Variants in CD47 observed in about 807,000 individuals in gnomAD.
CD47 encodes CD47 molecule.
CD47 carries 11 observed loss-of-function variants against 44.6 expected under a neutral mutation model. That is an observed-to-expected ratio of 0.25 (90% CI 0.16 to 0.41). The LOEUF is 0.41. Ranked by LOEUF, CD47 falls within the 10% of genes least tolerant of loss-of-function variation. The pLI is 1.00. For synonymous variants in CD47, 140 were observed against 136.3 expected (o/e 1.03, Z -0.19); for missense variants, 306 against 386.7 (o/e 0.79, Z 1.75).
intron 7 of CD47, among the ~76,000 whole-genome samples, chr3:108,057,059 G>A (rs1467987025): frequency 6.6e-6 from 1 of 152,136 alleles, no homozygotes; most frequent in African/African-American, 2.4e-5. Flanking sequence ...AAACAGGTCT[G>A]TGCAGGACAG....
chr3:108,055,510 T>G, intron 7 of CD47: 1 of 1,295,958 alleles, frequency 7.7e-7, no homozygotes, highest in Non-Finnish European at 1.0e-6. Flanking sequence ...AAAGAGCAAC[T>G]TTCCTGTACC....
intron 1 of CD47, among the ~76,000 whole-genome samples, chr3:108,083,115 C>T (rs1038857286): frequency 6.6e-6 from 1 of 152,000 alleles, no homozygotes; most frequent in Admixed American, 6.6e-5. Context: ...AATAAGAAAA[C>T]TCTGAATAAA....
At chr3:108,055,630 A>G in intron 7 of CD47, 2 of 907,374 alleles carry the variant, frequency 2.2e-6, no homozygotes, top group Middle Eastern at 2.6e-4. Flanking sequence ...TTAGGACACT[A>G]TCAATAAAAT....
chr3:108,073,262 A>G (rs530386134), intron 2 of CD47, among the ~76,000 whole-genome samples: 75 of 151,606 alleles, frequency 4.9e-4, no homozygotes, highest in Non-Finnish European at 8.2e-4. Context: ...ATATATTAAT[A>G]GAATATTAAT....
Position 108,090,950 on chromosome 3 carries a change from C to CT in CD47, c.-43_-42insA. The CT allele has an allele frequency of 7.1e-7, 1 of 1,411,726 alleles. No individual in the cohort carries two copies. Among genetic ancestry groups the CT allele is most frequent in the Non-Finnish European group, 9.3e-7 (1 of 1,072,438 alleles). 87.4% of individuals were successfully genotyped at this position (1,411,726 alleles called of 1,614,324 possible). A position where few individuals can be genotyped will look rare whatever the true frequency, so the allele number is the denominator to read the frequency against. On this transcript the variant is annotated 5_prime_UTR_variant, in exon 1 of 11. Transcript: ENST00000361309. ...GGGTCGCCGCCGCCGCCGCAGGTGTCCGGAGCAGCAGCCGCCGCCGCCGTT... is the reference window on the plus strand; with the variant it reads ...GGGTCGCCGCCGCCGCCGCAGGTGTCTCGGAGCAGCAGCCGCCGCCGCCGTT...
Position 108,058,428 on chromosome 3 carries a change from C to T in CD47, c.693G>A (p.Ala231=), listed in dbSNP as rs763707352. Residue 231 remains alanine, a splice_region_variant and synonymous_variant, in exon 6 of 11, where the codon GCG becomes GCA. Transcript: ENST00000361309. ...ILLHYYVFST[A]IGLTSFVIAI... ...CAATGACGAAGGAGGTTAATCCAATCGCTGGAGGAAGGAAAAGGATGTAAC... is the reference window on the plus strand; with the variant it reads ...CAATGACGAAGGAGGTTAATCCAATTGCTGGAGGAAGGAAAAGGATGTAAC... The T allele has an allele frequency of 2.3e-5, 35 of 1,553,636 alleles. No individual in the cohort carries two copies. Among genetic ancestry groups the T allele is most frequent in the Non-Finnish European group, 2.7e-5 (31 of 1,145,560 alleles).
intron 1 of CD47, among the ~76,000 whole-genome samples, chr3:108,081,208 T>C (rs115872789): frequency 0.01 from 1,537 of 152,100 alleles, 17 homozygotes; most frequent in African/African-American, 0.035. Flanking sequence ...CTACCAGTTG[T>C]TGCCTTATAG....
intron 3 of CD47, among the ~76,000 whole-genome samples, chr3:108,067,481 C>T (rs2079124897): frequency 6.6e-6 from 1 of 152,164 alleles, no homozygotes; most frequent in Admixed American, 6.5e-5. Context: ...AACTGGAGGA[C>T]TAGGTGGACA....
chr3:108,067,753 A>C (rs2079129031), intron 3 of CD47, among the ~76,000 whole-genome samples: 1 of 152,214 alleles, frequency 6.6e-6, no homozygotes, highest in Admixed American at 6.5e-5. Context: ...TCCCTGTAAG[A>C]GGCCTTTATC....
chr3:108,055,566 C>G (rs1269700132), intron 7 of CD47: 20 of 1,302,608 alleles, frequency 1.5e-5, no homozygotes, highest in Non-Finnish European at 1.9e-5. Context: ...CCCTCTGAAC[C>G]CTGGCATCAG....
At chr3:108,071,269 T>A in intron 2 of CD47, 87 bp from the exon 3 acceptor site, 1 of 610,068 alleles carries the variant, frequency 1.6e-6, no homozygotes, top group Non-Finnish European at 2.8e-6. Context: ...TGCTTTATTA[T>A]AGAGATGGAA....
intron 1 of CD47, among the ~76,000 whole-genome samples, chr3:108,084,294 C>T (rs189546595): frequency 1.8e-4 from 27 of 152,128 alleles, no homozygotes; most frequent in Admixed American, 1.7e-3. Context: ...TCTGTCTTGA[C>T]TTTTCCACAG....
At chr3:108,064,766 A>C (rs933890593) in intron 3 of CD47, among the ~76,000 whole-genome samples, 3 of 152,178 alleles carry the variant, frequency 2.0e-5, no homozygotes, top group Admixed American at 6.5e-5. Context: ...ACTAAGAATA[A>C]ATCATAAAGA....
intron 2 of CD47, among the ~76,000 whole-genome samples, chr3:108,077,447 G>A (rs1577011977): frequency 1.3e-5 from 2 of 152,008 alleles, no homozygotes; most frequent in East Asian, 3.8e-4. Flanking sequence ...CATTGTTGAT[G>A]GAAATGTAAA....
At chr3:108,084,738 T>C (rs1004944569) in intron 1 of CD47, among the ~76,000 whole-genome samples, 11 of 152,088 alleles carry the variant, frequency 7.2e-5, no homozygotes, top group African/African-American at 2.7e-4. Flanking sequence ...GAACCAGACC[T>C]GGACCTAAGA....
chr3:108,084,940 G>T (rs1327049960), intron 1 of CD47, among the ~76,000 whole-genome samples: 1 of 152,002 alleles, frequency 6.6e-6, no homozygotes, highest in East Asian at 1.9e-4. Flanking sequence ...TGGCCCTGAT[G>T]TATTTTCTAC....
chr3:108,070,997 T>C (rs2079190756), intron 3 of CD47, 96 bp downstream of exon 3: 2 of 592,810 alleles, frequency 3.4e-6, no homozygotes, highest in Non-Finnish European at 5.9e-6. Context: ...TAATAGCACT[T>C]TTCCTAGTAC....
At chr3:108,078,309 A>T (rs1577012671) in intron 2 of CD47, among the ~76,000 whole-genome samples, 1 of 152,086 alleles carries the variant, frequency 6.6e-6, no homozygotes, top group Admixed American at 6.6e-5. Flanking sequence ...GCAAACAAAG[A>T]TAAAACAGTC....
intron 7 of CD47, 65 bp from the exon 8 acceptor site, chr3:108,052,035 G>T: frequency 1.3e-6 from 1 of 793,024 alleles, no homozygotes; most frequent in East Asian, 2.8e-5. Flanking sequence ...ATTTGGTAAT[G>T]TTTAATTTTA....
Sources: allele counts gnomAD v4.1 joint callset (sites outside exome capture counted in the v4.1 genomes callset), GRCh38; gene constraint gnomAD v4.1.1; transcripts MANE v1.5; gene names NCBI Gene and HGNC (gene_info 2026-07-23, HGNC 2026-07-21).